KIF21A: variants seen among roughly 807,000 people sequenced by gnomAD.
KIF21A encodes the protein kinesin-like protein KIF21A.
KIF21A carries 114 observed loss-of-function variants against 202.9 expected under a neutral mutation model. The observed-to-expected ratio is 0.56, with a 90% CI of 0.48 to 0.66. The LOEUF is 0.66. KIF21A is among the 30% of genes least tolerant of loss of function. KIF21A has a pLI of 0.00. For synonymous variants in KIF21A, 667 were observed against 670.8 expected (o/e 0.99, Z 0.09); for missense variants, 1,677 against 1,994.9 (o/e 0.84, Z 3.04).
At chr12:39,318,291 G>C (rs1210633958) in intron 28 of KIF21A, 90 bp from the exon 29 acceptor site, 6 of 1,268,306 alleles carry the variant, frequency 4.7e-6, no homozygotes, top group African/African-American at 1.5e-5. Flanking sequence ...TTAAAAAAAA[G>C]CTTTTTATTA....
chr12:39,315,635 T>C (rs534404074), intron 30 of KIF21A, among the ~76,000 whole-genome samples: 1 of 152,018 alleles, frequency 6.6e-6, no homozygotes, highest in East Asian at 1.9e-4. Flanking sequence ...GAGTAAGAAA[T>C]CTTCTTGACA....
At chr12:39,387,940 TC>T (rs1314506646) in intron 1 of KIF21A, among the ~76,000 whole-genome samples, 4 of 152,180 alleles carry the variant, frequency 2.6e-5, no homozygotes, top group African/African-American at 9.7e-5. Flanking sequence ...TATGGTACCC[TC>T]TTTTGCTATA....
chr12:39,414,157 TGA>T (rs1382133257), intron 1 of KIF21A, among the ~76,000 whole-genome samples: 1 of 152,230 alleles, frequency 6.6e-6, no homozygotes, highest in Non-Finnish European at 1.5e-5. Context: ...TCTATATACT[TGA>T]GAGATGTTTC....
At chr12:39,305,650 C>T (rs1943400861) in intron 34 of KIF21A, among the ~76,000 whole-genome samples, 1 of 152,054 alleles carries the variant, frequency 6.6e-6, no homozygotes, top group Non-Finnish European at 1.5e-5. Flanking sequence ...CCAAAGCTGA[C>T]TAATGTCATT....
rs148846158 is a variant in KIF21A at position 39,332,934 on chromosome 12, C to T, written c.2661G>A (p.Ala887=). 164 of 1,613,918 alleles carry T rather than the reference C, an allele frequency of 1.0e-4. No individual in the cohort carries two copies. Among genetic ancestry groups the T allele is most frequent in the Non-Finnish European group, 1.3e-4 (153 of 1,180,038 alleles). The change falls in exon 19 of 38, where the codon GCG becomes GCA. Residue 887 remains alanine, a synonymous_variant. Coordinates refer to ENST00000361418, the MANE Select transcript of KIF21A (RefSeq NM_001173464.2). ...CCGGCGTTGGTAAGGCCTGGACTCT[C>T]GCCACAGGAATTCTCATTTTCTGCT... ...GAQQKMRIPV[A]RVQALPTPAT...
chr12:39,358,071 T>A (rs1339521852), intron 8 of KIF21A, 107 bp downstream of exon 8: 8 of 983,846 alleles, frequency 8.1e-6, no homozygotes, highest in Non-Finnish European at 1.3e-5. Flanking sequence ...GACACTATTA[T>A]GACAACCAAG....
Position 39,357,108 on chromosome 12 carries a change from G to C in KIF21A, c.1405+140C>G, listed in dbSNP as rs923638984. On this transcript the variant is annotated intron_variant, in intron 9 of 37. Transcript: ENST00000361418. ...AAGAATTTATTATTTTTTGAAATTAGGTATTTAACTTAAAACCACAGACTG... is the reference window on the plus strand; with the variant it reads ...AAGAATTTATTATTTTTTGAAATTACGTATTTAACTTAAAACCACAGACTG... 7.1e-6 allele frequency: 5 copies of C among 704,922 alleles called. No individual in the cohort carries two copies. In the Admixed American group the frequency reaches 8.2e-5, roughly 12 times the overall value. The allele number at this position is 704,922 out of a possible 1,614,324, so 43.7% of individuals were successfully genotyped here.
At chr12:39,309,299 G>A (rs1217900423) in intron 33 of KIF21A, among the ~76,000 whole-genome samples, 4 of 152,058 alleles carry the variant, frequency 2.6e-5, no homozygotes, top group African/African-American at 7.2e-5. Context: ...GTATGAAAAT[G>A]TAATACCTTA....
intron 1 of KIF21A, among the ~76,000 whole-genome samples, chr12:39,412,788 CT>C (rs1418684066): frequency 6.6e-6 from 1 of 152,138 alleles, no homozygotes; most frequent in African/African-American, 2.4e-5. Flanking sequence ...AGCAGTAACT[CT>C]TTACAAATAC....
intron 12 of KIF21A, among the ~76,000 whole-genome samples, chr12:39,345,439 C>T (rs1947815601): frequency 6.6e-6 from 1 of 151,670 alleles, no homozygotes; most frequent in Non-Finnish European, 1.5e-5. Context: ...TTTAAAGAAC[C>T]TATGGGCTTA....
intron 16 of KIF21A, among the ~76,000 whole-genome samples, chr12:39,338,532 G>A (rs550133581): frequency 3.9e-5 from 6 of 152,126 alleles, no homozygotes; most frequent in Non-Finnish European, 8.8e-5. Context: ...AGGACTTCAC[G>A]TTCATTCACC....
chr12:39,433,192 T>G (rs1348102865), intron 1 of KIF21A, among the ~76,000 whole-genome samples: 1 of 152,032 alleles, frequency 6.6e-6, no homozygotes, highest in Non-Finnish European at 1.5e-5. Flanking sequence ...AAACTGATTT[T>G]GAGATCATTA....
intron 31 of KIF21A, 87 bp downstream of exon 31, chr12:39,315,142 A>G (rs1171975891): frequency 7.8e-7 from 1 of 1,288,954 alleles, no homozygotes; most frequent in Non-Finnish European, 1.1e-6. Context: ...AGAGAAAAAA[A>G]TAAACACTTA....
intron 11 of KIF21A, among the ~76,000 whole-genome samples, chr12:39,347,824 A>G (rs988450031): frequency 1.3e-5 from 2 of 152,064 alleles, no homozygotes; most frequent in East Asian, 1.9e-4. Flanking sequence ...CTGATCGATG[A>G]GTGAAGTTTT....
intron 10 of KIF21A, chr12:39,356,581 G>T: frequency 3.1e-6 from 1 of 326,512 alleles, no homozygotes; most frequent in Non-Finnish European, 5.6e-6. Flanking sequence ...TGTCAAGTTA[G>T]GTAAGCACCC....
At chr12:39,391,306 A>AT (rs1951331205) in intron 1 of KIF21A, among the ~76,000 whole-genome samples, 1 of 150,930 alleles carries the variant, frequency 6.6e-6, no homozygotes, top group South Asian at 2.3e-4. Flanking sequence ...CAATAAAAAA[A>AT]ATTTTTTTTT....
At chr12:39,412,615 CTG>C (rs1277468731) in intron 1 of KIF21A, among the ~76,000 whole-genome samples, 1 of 152,066 alleles carries the variant, frequency 6.6e-6, no homozygotes, top group Non-Finnish European at 1.5e-5. Context: ...ACTCAGAAGA[CTG>C]AGGGGTGGGA....
chr12:39,370,266 G>A lies in KIF21A; in HGVS notation c.45-5C>T. ...TTGGCAAGCTGTGGTCTTATTCTGT[G>A]AGAAATAATCAGAAAAGAAAAAAAT... On this transcript the variant is annotated splice_polypyrimidine_tract_variant and splice_region_variant and intron_variant, in intron 1 of 37. Transcript: ENST00000361418. The A allele has an allele frequency of 6.3e-7, 1 of 1,592,268 alleles. No homozygotes were observed. Among genetic ancestry groups the A allele is most frequent in the South Asian group, 1.1e-5 (1 of 89,768 alleles).
intron 1 of KIF21A, among the ~76,000 whole-genome samples, chr12:39,418,810 C>A (rs11172084): frequency 0.026 from 3,902 of 152,238 alleles, 78 homozygotes; most frequent in Non-Finnish European, 0.038. Flanking sequence ...ATTAGTGCAG[C>A]CCCCAGAACA....
Sources: allele counts gnomAD v4.1 joint callset (sites outside exome capture counted in the v4.1 genomes callset), GRCh38; gene constraint gnomAD v4.1.1; transcripts MANE v1.5; gene names NCBI Gene and HGNC (gene_info 2026-07-23, HGNC 2026-07-21).